Variants in PRKCZ observed in about 807,000 individuals in gnomAD.
PRKCZ encodes protein kinase C zeta type.
A neutral mutation model predicts 79.5 loss-of-function variants in PRKCZ; 33 were observed. The observed-to-expected ratio is 0.41, with a 90% CI of 0.31 to 0.55. The LOEUF (loss-of-function observed/expected upper bound fraction) is 0.55. Among genes scored for constraint, PRKCZ ranks in the 20% least tolerant of loss-of-function variants. The pLI, the probability that PRKCZ is intolerant of heterozygous loss-of-function variation, is 0.19. For synonymous variants in PRKCZ, 342 were observed against 320.9 expected (o/e 1.07, Z -0.70); for missense variants, 578 against 813.5 (o/e 0.71, Z 3.52).
intron 6 of PRKCZ, 119 bp from the exon 7 acceptor site, chr1:2,145,908 G>T: frequency 1.2e-6 from 1 of 806,596 alleles, no homozygotes; most frequent in South Asian, 1.6e-5. Context: ...GACAGACTGT[G>T]ACCCTGTCTG....
In PRKCZ at chr1:2,151,108, A is replaced by G. The variant is rs913865; in HGVS notation, c.876+130A>G. 1.5e-3 allele frequency: 1,694 copies of G among 1,125,404 alleles called. 66 individuals carry two copies. In the Admixed American group the frequency reaches 0.042, roughly 28 times the overall value. The allele number at this position is 1,125,404 out of a possible 1,614,324, so 69.7% of individuals were successfully genotyped here. A position where few individuals can be genotyped will look rare whatever the true frequency, so the allele number is the denominator to read the frequency against. Reference sequence around the variant, plus strand: ...CGTTGACGGAGTTTGTGCAAAATCAATAGTCATGCATCGTGTAATGACCAG... The same window carrying G: ...CGTTGACGGAGTTTGTGCAAAATCAGTAGTCATGCATCGTGTAATGACCAG... On this transcript the variant is annotated intron_variant, in intron 9 of 17. Transcript: ENST00000378567.
rs1231016659 is a variant in PRKCZ at position 2,178,075 on chromosome 1, G to A, written c.1575+2762G>A. Reference sequence around the variant, plus strand: ...CCACCACCCCCATGTGACCTTGGCAGAAGGAAGGTCCTCCTCCCATTCACC... The same window carrying A: ...CCACCACCCCCATGTGACCTTGGCAAAAGGAAGGTCCTCCTCCCATTCACC... On this transcript the variant is annotated intron_variant, in intron 16 of 17. Transcript: ENST00000378567. This position sits in a 1 kb window ranked among gnomAD's most constrained non-coding sequence, Gnocchi z 4.3. Among the ~76,000 whole-genome samples, 1 of 152,226 alleles carries A rather than the reference G, an allele frequency of 6.6e-6. No individual in the cohort carries two copies. The highest frequency in any genetic ancestry group is 1.5e-5 in the Non-Finnish European group (1 of 68,040).
chr1:2,058,958 A>C (rs1660429857), intron 3 of PRKCZ, among the ~76,000 whole-genome samples: 1 of 152,112 alleles, frequency 6.6e-6, no homozygotes, highest in Non-Finnish European at 1.5e-5. Flanking sequence ...TTATGTGTAT[A>C]CACACACACA....
intron 7 of PRKCZ, 137 bp from the exon 8 acceptor site, chr1:2,148,735 T>G: frequency 2.5e-6 from 2 of 814,880 alleles, no homozygotes; most frequent in Non-Finnish European, 3.8e-6. Flanking sequence ...GACTCTAAAT[T>G]AGAATCAGAC....
At chr1:2,151,090 G>A (rs972631983) in intron 9 of PRKCZ, 112 bp downstream of exon 9, 22 of 1,295,682 alleles carry the variant, frequency 1.7e-5, no homozygotes, top group Middle Eastern at 2.7e-4. Context: ...TCACGTTGAC[G>A]GAGTTTGTGC....
upstream of PRKCZ, chr1:2,050,361 G>A (rs1410131105): frequency 1.8e-5 from 3 of 166,138 alleles, no homozygotes; most frequent in East Asian, 5.3e-4. Flanking sequence ...CGCCCGCCCC[G>A]GGACCGCCCG....
chr1:2,077,305 C>T (rs1468600146), intron 4 of PRKCZ, among the ~76,000 whole-genome samples: 1 of 152,206 alleles, frequency 6.6e-6, no homozygotes, highest in Admixed American at 6.5e-5. Flanking sequence ...TTGAACGTCT[C>T]TTCTGTGGGA....
At chr1:2,150,161 CA>C (rs750010192) in intron 8 of PRKCZ, among the ~76,000 whole-genome samples, 1,171 of 46,700 alleles carry the variant, frequency 0.025, 6 homozygotes, top group African/African-American at 0.076. Flanking sequence ...GACTCCGTCT[CA>C]AAAAAAAAAA....
intron 4 of PRKCZ, among the ~76,000 whole-genome samples, chr1:2,065,503 C>T (rs1483825578): frequency 6.6e-6 from 1 of 151,938 alleles, no homozygotes; most frequent in Non-Finnish European, 1.5e-5. Context: ...ACAGTGAAAC[C>T]CCGTTCTCTA....
rs79144752 is a variant in PRKCZ at position 2,158,770 on chromosome 1, T to C, written c.974+2678T>C. Among the ~76,000 whole-genome samples, 639 of 152,338 alleles carry C rather than the reference T, an allele frequency of 4.2e-3. 2 individuals are homozygous for C. The highest frequency in any genetic ancestry group is 0.014 in the African/African-American group (602 of 41,574). On this transcript the variant is annotated intron_variant, in intron 10 of 17. Transcript: ENST00000378567. Reference sequence around the variant, plus strand: ...CTTCTGCACTTGTGTCTTTGGACTCTTCTGTCAAGTCACAAGTTCCCAGAT... The same window carrying C: ...CTTCTGCACTTGTGTCTTTGGACTCCTCTGTCAAGTCACAAGTTCCCAGAT...
rs538480701 is a variant in PRKCZ at position 2,151,113 on chromosome 1, C to T, written c.876+135C>T. The T allele has an allele frequency of 3.6e-6, 4 of 1,107,342 alleles. No individual in the cohort carries two copies. In the South Asian group the frequency reaches 6.4e-5, roughly 18 times the overall value. The allele number at this position is 1,107,342 out of a possible 1,614,324, so 68.6% of individuals were successfully genotyped here. ...ACGGAGTTTGTGCAAAATCAATAGT[C>T]ATGCATCGTGTAATGACCAGGATGT... is the stretch of plus-strand genomic sequence containing the variant. On this transcript the variant is annotated intron_variant, in intron 9 of 17. Transcript: ENST00000378567.
chr1:2,129,648 G>C (rs1012017763), intron 4 of PRKCZ, among the ~76,000 whole-genome samples: 2 of 152,086 alleles, frequency 1.3e-5, no homozygotes, highest in South Asian at 2.1e-4. Flanking sequence ...AGGCAGGGGG[G>C]GTCTCTGGGA....
At chr1:2,068,996 C>T (rs1661344300) in intron 4 of PRKCZ, among the ~76,000 whole-genome samples, 1 of 152,160 alleles carries the variant, frequency 6.6e-6, no homozygotes, top group African/African-American at 2.4e-5. Flanking sequence ...GGAAACGTGG[C>T]CCAGTTCCCG....
At chr1:2,144,643 C>T (rs1678121692) in intron 6 of PRKCZ, 4 of 1,194,830 alleles carry the variant, frequency 3.3e-6, no homozygotes, top group Admixed American at 3.9e-5. Flanking sequence ...ATACCCCAGT[C>T]TTGAACCAGC....
At chr1:2,144,504 A>G in intron 6 of PRKCZ, 163 bp downstream of exon 6, 1 of 1,435,520 alleles carries the variant, frequency 7.0e-7, no homozygotes. Context: ...GCAGTCTTGG[A>G]TAGGACCCAT....
At chr1:2,160,746 C>T (rs1379015840) in intron 10 of PRKCZ, among the ~76,000 whole-genome samples, 1 of 152,080 alleles carries the variant, frequency 6.6e-6, no homozygotes, top group South Asian at 2.1e-4. Flanking sequence ...GGGAGTCACC[C>T]CGGTTCGCAG....
At chr1:2,175,704 A>G (rs887619354) in intron 16 of PRKCZ, among the ~76,000 whole-genome samples, 1 of 151,986 alleles carries the variant, frequency 6.6e-6, no homozygotes, top group Admixed American at 6.6e-5. Context: ...CCTGTCTCCC[A>G]GAAGGGTCAG....
chr1:2,144,544 A>T, intron 6 of PRKCZ: 2 of 1,408,806 alleles, frequency 1.4e-6, no homozygotes, highest in East Asian at 2.7e-5. Flanking sequence ...CCCCCGGCAC[A>T]CTCTGCTCAT....
chr1:2,057,182 G>T (rs927678914), intron 3 of PRKCZ, among the ~76,000 whole-genome samples: 7 of 152,236 alleles, frequency 4.6e-5, no homozygotes, highest in African/African-American at 1.7e-4. Context: ...TGCTCCCTAG[G>T]CCCGGCTCCA....
Sources: gnomAD v4.1 joint callset for allele counts (sites outside exome capture counted in the v4.1 genomes callset) on GRCh38, gnomAD v4.1.1 for gene constraint, Gnocchi (gnomAD v3.1) non-coding constraint, MANE v1.5 for transcripts, NCBI Gene and HGNC (gene_info 2026-07-23, HGNC 2026-07-21) for gene names.